L3MBTL4: variants seen among roughly 807,000 people sequenced by gnomAD.
The protein encoded by L3MBTL4 is lethal(3)malignant brain tumor-like protein 4.
Under a neutral mutation model 84.5 loss-of-function variants are expected in L3MBTL4, and 70 were observed. The ratio of observed to expected loss-of-function variants is 0.83; its 90% confidence interval spans 0.68 to 1.01. The LOEUF (loss-of-function observed/expected upper bound fraction) is 1.01, where lower values mean the gene tolerates loss of function less well. Among genes scored for constraint, L3MBTL4 ranks in the 50% least tolerant of loss-of-function variants. L3MBTL4 has a pLI of 0.00. For synonymous variants in L3MBTL4, 274 were observed against 259.8 expected, an observed-to-expected ratio of 1.05 and a Z score of -0.52; for missense variants, 715 against 754.8, an observed-to-expected ratio of 0.95 and a Z score of 0.62.
chr18:6,051,556 G>T (rs1022938494), intron 16 of L3MBTL4, among the ~76,000 whole-genome samples: 4 of 151,522 alleles, frequency 2.6e-5, no homozygotes, highest in African/African-American at 9.7e-5. Flanking sequence ...AAAAAAGGAA[G>T]AAACGAATAG....
At chr18:6,197,343 T>A (rs1431614061) in intron 12 of L3MBTL4, among the ~76,000 whole-genome samples, 1 of 152,184 alleles carries the variant, frequency 6.6e-6, no homozygotes, top group East Asian at 1.9e-4. Flanking sequence ...AGCTCCCACG[T>A]ATAAGTGAGA....
intron 17 of L3MBTL4, among the ~76,000 whole-genome samples, chr18:5,965,670 C>T (rs9965866): frequency 0.071 from 10,837 of 152,196 alleles, 598 homozygotes; most frequent in East Asian, 0.2. Flanking sequence ...AAGATACAAA[C>T]ACAGCAATCA....
chr18:6,127,624 A>G (rs2059737413), intron 14 of L3MBTL4, among the ~76,000 whole-genome samples: 1 of 152,248 alleles, frequency 6.6e-6, no homozygotes, highest in South Asian at 2.1e-4. Flanking sequence ...AATAAAAGAC[A>G]AAGCACGATG....
chr18:6,182,548 G>T (rs1266417443), intron 12 of L3MBTL4, among the ~76,000 whole-genome samples: 3 of 152,078 alleles, frequency 2.0e-5, no homozygotes, highest in Non-Finnish European at 4.4e-5. Context: ...GCTTAATTAG[G>T]TCCAATTTGT....
At chr18:6,185,965 T>TTTTAG (rs2044717549) in intron 12 of L3MBTL4, among the ~76,000 whole-genome samples, 1 of 140,110 alleles carries the variant, frequency 7.1e-6, no homozygotes, top group African/African-American at 2.8e-5. Context: ...ACTTTCTTTA[T>TTTTAG]TTTATTTTAT....
chr18:6,194,771 G>A (rs2045299589), intron 12 of L3MBTL4, among the ~76,000 whole-genome samples: 1 of 152,202 alleles, frequency 6.6e-6, no homozygotes, highest in Non-Finnish European at 1.5e-5. Flanking sequence ...TGACAGGAAA[G>A]GCATGGCAGC....
intron 10 of L3MBTL4, among the ~76,000 whole-genome samples, chr18:6,235,764 G>T (rs1323884096): frequency 6.6e-6 from 1 of 152,100 alleles, no homozygotes; most frequent in African/African-American, 2.4e-5. Flanking sequence ...GAGAGCTGGT[G>T]GTTGCATAAC....
At position 5,956,016 on chromosome 18, in the gene L3MBTL4, C is replaced by T. The variant is rs2095224737; in HGVS notation, c.*204G>A. 3.9e-6 allele frequency: 2 copies of T among 507,046 alleles called. No individual in the cohort carries two copies. The highest frequency in any genetic ancestry group is 3.5e-6 in the Non-Finnish European group (1 of 289,772). The allele number at this position is 507,046 out of a possible 1,614,324, so 31.4% of individuals were successfully genotyped here. On this transcript the variant is annotated 3_prime_UTR_variant, in exon 19 of 19. Transcript: ENST00000317931. Reference sequence around the variant, plus strand: ...GATAACAATGTTCGTAAACCAAACCCACAGATGGGCCTAAGCCTCTGAGTC... The same window carrying T: ...GATAACAATGTTCGTAAACCAAACCTACAGATGGGCCTAAGCCTCTGAGTC...
intron 12 of L3MBTL4, among the ~76,000 whole-genome samples, chr18:6,203,131 T>C (rs1358688674): frequency 2.0e-5 from 3 of 152,108 alleles, no homozygotes; most frequent in African/African-American, 4.8e-5. Flanking sequence ...AGTGCCAGTC[T>C]TCAGAGGTTA....
At chr18:5,994,705 C>T (rs2053868349) in intron 16 of L3MBTL4, among the ~76,000 whole-genome samples, 1 of 152,126 alleles carries the variant, frequency 6.6e-6, no homozygotes, top group African/African-American at 2.4e-5. Context: ...TCCAAGAGGT[C>T]ACCTCCAGGA....
At chr18:6,277,031 A>G (rs1191719599) in intron 4 of L3MBTL4, among the ~76,000 whole-genome samples, 1 of 151,578 alleles carries the variant, frequency 6.6e-6, no homozygotes, top group East Asian at 1.9e-4. Flanking sequence ...TTTCTAGAGT[A>G]CAAGTTTCCA....
intron 13 of L3MBTL4, among the ~76,000 whole-genome samples, chr18:6,163,083 A>G (rs1371138038): frequency 2.0e-5 from 3 of 152,134 alleles, no homozygotes; most frequent in Non-Finnish European, 4.4e-5. Context: ...AGAAAAGACA[A>G]TCATAACACC....
At chr18:6,285,690 T>C (rs2049541720) in intron 4 of L3MBTL4, among the ~76,000 whole-genome samples, 1 of 152,072 alleles carries the variant, frequency 6.6e-6, no homozygotes, top group South Asian at 2.1e-4. Context: ...TTTTACCTGA[T>C]GGATACTGAA....
At chr18:6,241,175 C>T (rs1292104508) in intron 8 of L3MBTL4, among the ~76,000 whole-genome samples, 183 bp downstream of exon 8, 1 of 152,072 alleles carries the variant, frequency 6.6e-6, no homozygotes, top group East Asian at 1.9e-4. Flanking sequence ...TTTAATTATA[C>T]TTTTAAAGGA....
intron 10 of L3MBTL4, among the ~76,000 whole-genome samples, chr18:6,224,218 A>G (rs1252388120): frequency 6.6e-6 from 1 of 152,248 alleles, no homozygotes; most frequent in Non-Finnish European, 1.5e-5. Context: ...GGAAGTGTAA[A>G]AAAGAAACCA....
At chr18:6,273,914 T>G (rs2146502804) in intron 4 of L3MBTL4, among the ~76,000 whole-genome samples, 1 of 152,340 alleles carries the variant, frequency 6.6e-6, no homozygotes, top group East Asian at 1.9e-4. Context: ...CAAAGTGTGG[T>G]CATCCCTGCA....
chr18:6,292,191 C>T (rs528305925), intron 4 of L3MBTL4, among the ~76,000 whole-genome samples: 19 of 152,112 alleles, frequency 1.2e-4, no homozygotes, highest in Non-Finnish European at 2.1e-4. Flanking sequence ...AGTCATAAAA[C>T]GCTACTCAAT....
At chr18:6,288,231 T>C (rs1388508814) in intron 4 of L3MBTL4, among the ~76,000 whole-genome samples, 2 of 152,344 alleles carry the variant, frequency 1.3e-5, no homozygotes, top group East Asian at 1.9e-4. Context: ...TGTTTATACA[T>C]ATGTAAATGT....
At chr18:6,068,619 C>T (rs77198852) in intron 16 of L3MBTL4, among the ~76,000 whole-genome samples, 3,455 of 152,278 alleles carry the variant, frequency 0.023, 132 homozygotes, top group African/African-American at 0.08. Flanking sequence ...GGGATGCAAT[C>T]ACCCTAAATT....
Sources: gnomAD v4.1 joint callset for allele counts (sites outside exome capture counted in the v4.1 genomes callset) on GRCh38, gnomAD v4.1.1 for gene constraint, MANE v1.5 for transcripts, NCBI Gene and HGNC (gene_info 2026-07-23, HGNC 2026-07-21) for gene names.